The following MLLT3 variants were observed in gnomAD, a reference collection of about 807,000 sequenced individuals.
MLLT3 encodes MLLT3 super elongation complex subunit, also known as protein AF-9.
A neutral mutation model predicts 53.2 loss-of-function variants in MLLT3; 4 were observed. The ratio of observed to expected loss-of-function variants is 0.08; its 90% CI spans 0.04 to 0.17. MLLT3 has a LOEUF of 0.17. MLLT3 is among the 10% of genes least tolerant of loss of function. The probability of loss-of-function intolerance (pLI) is 1.00; values close to 1 mark genes in which losing one functional copy is unlikely to be tolerated. For synonymous variants in MLLT3, 283 were observed against 230.6 expected, an observed-to-expected ratio of 1.23 and a Z score of -2.06; for missense variants, 569 against 684.0, an observed-to-expected ratio of 0.83 and a Z score of 1.87.
chr9:20,529,354 T>C (rs1416500788), intron 2 of MLLT3, among the ~76,000 whole-genome samples: 1 of 152,206 alleles, frequency 6.6e-6, no homozygotes, highest in Non-Finnish European at 1.5e-5. Flanking sequence ...GGAGAAAAGA[T>C]TCCTTTAAAA....
intron 10 of MLLT3, among the ~76,000 whole-genome samples, chr9:20,348,675 T>A (rs1587137962): frequency 6.6e-6 from 1 of 152,334 alleles, no homozygotes; most frequent in East Asian, 1.9e-4. Flanking sequence ...CAAGAAATTC[T>A]TAGAAGGAGT....
intron 2 of MLLT3, among the ~76,000 whole-genome samples, chr9:20,572,474 T>A (rs1287135228): frequency 6.6e-6 from 1 of 152,172 alleles, no homozygotes. Context: ...CAAAAATATA[T>A]AGTTTGTTAT....
intron 2 of MLLT3, among the ~76,000 whole-genome samples, chr9:20,472,914 A>G (rs1161094273): frequency 6.6e-6 from 1 of 151,952 alleles, no homozygotes; most frequent in Non-Finnish European, 1.5e-5. Context: ...CTAACAAAAA[A>G]AAAAAAGAAA....
At chr9:20,377,798 T>C (rs2118687133) in intron 5 of MLLT3, among the ~76,000 whole-genome samples, 1 of 152,248 alleles carries the variant, frequency 6.6e-6, no homozygotes, top group Non-Finnish European at 1.5e-5. Flanking sequence ...CCATGGTAGT[T>C]TGACTTTTAA....
intron 3 of MLLT3, 55 bp downstream of exon 3, chr9:20,456,649 C>A (rs1823978237): frequency 1.7e-6 from 2 of 1,201,570 alleles, no homozygotes; most frequent in Non-Finnish European, 2.5e-6. Context: ...TTTTAAACAT[C>A]ATTTGGCTAA....
At position 20,581,024 on chromosome 9, in the gene MLLT3, T is replaced by A. The variant is rs953878205; in HGVS notation, c.193+39630A>T. Among the ~76,000 whole-genome samples the A allele has an allele frequency of 5.9e-5, 9 of 152,380 alleles. No individual in the cohort carries two copies. The East Asian group carries it at 1.7e-3, about 29-fold the overall frequency. On this transcript the variant is annotated intron_variant, in intron 2 of 10. Transcript: ENST00000380338. ...ACAAAAGGATATTGCCAAATTCCAA[T>A]ACAAAATGACTATGAACACACCCGT... is the stretch of plus-strand genomic sequence containing the variant.
chr9:20,476,894 G>A (rs1054752367), intron 2 of MLLT3, among the ~76,000 whole-genome samples: 5 of 152,180 alleles, frequency 3.3e-5, no homozygotes, highest in Admixed American at 1.3e-4. Flanking sequence ...CATAGCATAC[G>A]TTAAGGAATC....
At chr9:20,394,250 T>G (rs1251631392) in intron 5 of MLLT3, among the ~76,000 whole-genome samples, 2 of 152,012 alleles carry the variant, frequency 1.3e-5, no homozygotes, top group African/African-American at 4.8e-5. Context: ...CCTCCAGAAT[T>G]AGAATGAAGC....
intron 2 of MLLT3, among the ~76,000 whole-genome samples, chr9:20,469,501 C>T (rs369099798): frequency 4.6e-5 from 7 of 152,000 alleles, no homozygotes; most frequent in Admixed American, 3.9e-4. Context: ...TATTCCAGAA[C>T]AGCGTGCCCA....
At chr9:20,346,900 AG>A (rs1196158430) in intron 10 of MLLT3, among the ~76,000 whole-genome samples, 1 of 152,116 alleles carries the variant, frequency 6.6e-6, no homozygotes, top group Non-Finnish European at 1.5e-5. Flanking sequence ...TTTAAAAATT[AG>A]TTACTGACTC....
At chr9:20,610,772 G>A (rs1047627983) in intron 2 of MLLT3, among the ~76,000 whole-genome samples, 5 of 152,108 alleles carry the variant, frequency 3.3e-5, no homozygotes, top group South Asian at 2.1e-4. Context: ...CACATAACAC[G>A]TGCTGCTTTG....
At chr9:20,444,271 T>G (rs1477793674) in intron 4 of MLLT3, among the ~76,000 whole-genome samples, 1 of 152,184 alleles carries the variant, frequency 6.6e-6, no homozygotes, top group East Asian at 1.9e-4. Context: ...ATCAATCAGT[T>G]CATTCTTTAA....
At chr9:20,618,908 ATCT>A (rs901548045) in intron 2 of MLLT3, among the ~76,000 whole-genome samples, 36 of 152,272 alleles carry the variant, frequency 2.4e-4, no homozygotes, top group African/African-American at 8.2e-4. Flanking sequence ...TAAGAGCTAC[ATCT>A]TCTGCCAACT....
chr9:20,434,211 A>T (rs1823346768), intron 4 of MLLT3, among the ~76,000 whole-genome samples: 1 of 152,182 alleles, frequency 6.6e-6, no homozygotes, highest in Non-Finnish European at 1.5e-5. Context: ...TTAATAATGT[A>T]TCAGTGCTAA....
At position 20,620,293 on chromosome 9, in the gene MLLT3, A is replaced by ACG. The variant is rs892008680; in HGVS notation, c.193+359_193+360dup. On this transcript the variant is annotated intron_variant, in intron 2 of 10. Coordinates refer to ENST00000380338, the MANE Select transcript of MLLT3 (RefSeq NM_004529.4). This position sits in a 1 kb window ranked among gnomAD's most constrained non-coding sequence, Gnocchi z 6.1. ...CACACACACACACACACACACACAC[A>ACG]CGCGCAAAGTGTTTATTCCCTCCAG... Among the ~76,000 whole-genome samples the ACG allele has an allele frequency of 2.2e-3, 317 of 146,068 alleles. 2 individuals carry two copies. Among genetic ancestry groups the ACG allele is most frequent in the Middle Eastern group, 7.2e-3 (2 of 276 alleles).
chr9:20,368,250 T>G (rs76840071), intron 5 of MLLT3, among the ~76,000 whole-genome samples: 3 of 152,236 alleles, frequency 2.0e-5, no homozygotes, highest in African/African-American at 7.2e-5. Context: ...GAGCATTCAG[T>G]TGGCATTTAT....
chr9:20,553,410 G>A (rs973453848), intron 2 of MLLT3, among the ~76,000 whole-genome samples: 2 of 152,146 alleles, frequency 1.3e-5, no homozygotes, highest in Non-Finnish European at 1.5e-5. Context: ...CATGTGCCAG[G>A]CATGGTGTTA....
chr9:20,448,252 T>C lies in MLLT3; in HGVS notation c.291A>G (p.Lys97=), dbSNP rs1234729204. The change falls in exon 4 of 11, where the codon AAA becomes AAG. Residue 97 remains lysine, a synonymous_variant. Transcript: ENST00000380338. The surrounding 1 kb of genome is among the most constrained non-coding windows in gnomAD (Gnocchi z 4.0). ...GGAATAAGTCATAATCAAAGCGGACTTTCCTAGGTTCTTCCTGGAGGTTAA... is the reference window on the plus strand; with the variant it reads ...GGAATAAGTCATAATCAAAGCGGACCTTCCTAGGTTCTTCCTGGAGGTTAA... ...VYFKNKEEPR[K]VRFDYDLFLH... 6.2e-7 allele frequency: 1 copy of C among 1,613,074 alleles called. No homozygotes were observed. The highest frequency in any genetic ancestry group is 2.2e-5 in the East Asian group (1 of 44,846).
chr9:20,527,824 C>A (rs963485849), intron 2 of MLLT3, among the ~76,000 whole-genome samples: 2 of 152,116 alleles, frequency 1.3e-5, no homozygotes, highest in African/African-American at 2.4e-5. Flanking sequence ...GCTGAAGTGC[C>A]ACAATTCTAA....
Sources: gnomAD v4.1 joint callset for allele counts (sites outside exome capture counted in the v4.1 genomes callset) on GRCh38, gnomAD v4.1.1 for gene constraint, Gnocchi (gnomAD v3.1) non-coding constraint, MANE v1.5 for transcripts, NCBI Gene and HGNC (gene_info 2026-07-23, HGNC 2026-07-21) for gene names.